The following USP7 variants were observed in gnomAD, a reference collection of about 807,000 sequenced individuals.
The protein encoded by USP7 is ubiquitin specific peptidase 7.
Under a neutral mutation model 162.9 loss-of-function variants are expected in USP7, and 9 were observed. That is an observed-to-expected ratio of 0.06 (90% CI 0.03 to 0.10). The LOEUF is 0.10. USP7 is among the 10% of genes least tolerant of loss of function. The pLI is 1.00. For missense variants in USP7, 715 were observed against 1,373.7 expected (o/e 0.52, Z 7.58); for synonymous variants, 562 against 475.9 (o/e 1.18, Z -2.35).
rs368671418 is a variant in USP7, at chr16:8,952,597, TAGGCCCACCTGGGGCATGC to T, written c.79+10591_79+10609del. 3.5e-4 allele frequency among the ~76,000 whole-genome samples: 54 copies of T among 152,310 alleles called. No individual in the cohort carries two copies. The East Asian group carries it at 9.8e-3, about 28-fold the overall frequency. ...CTGGCACTGATGACTGTGAGTACAC[TAGGCCCACCTGGGGCATGC>T]AGGCCCACCTCCTCACTAGGGATCC... On this transcript the variant is annotated intron_variant, in intron 1 of 30. Transcript: ENST00000344836.
intron 1 of USP7, among the ~76,000 whole-genome samples, chr16:8,939,818 G>C (rs1200352784): frequency 6.6e-6 from 1 of 152,214 alleles, no homozygotes; most frequent in Non-Finnish European, 1.5e-5. Flanking sequence ...GACTGTTTCT[G>C]GCCGAGCGCA....
At chr16:8,926,338 G>C (rs1897991204) in intron 2 of USP7, among the ~76,000 whole-genome samples, 2 of 152,040 alleles carry the variant, frequency 1.3e-5, no homozygotes, top group African/African-American at 2.4e-5. Context: ...AATTAGCTGG[G>C]TGTGGTGGTG....
At chr16:8,907,447 A>G (rs2061878515) in intron 12 of USP7, among the ~76,000 whole-genome samples, 1 of 152,218 alleles carries the variant, frequency 6.6e-6, no homozygotes, top group Admixed American at 6.5e-5. Flanking sequence ...TGAATGACCA[A>G]CCTATATTCC....
At chr16:8,936,642 TG>T in intron 1 of USP7, 1 of 1,554,740 alleles carries the variant, frequency 6.4e-7, no homozygotes, top group Non-Finnish European at 8.6e-7. Flanking sequence ...TGGCCTCTGC[TG>T]GGGGATGGGG....
intron 13 of USP7, among the ~76,000 whole-genome samples, chr16:8,906,189 G>T (rs1885522418): frequency 6.6e-6 from 1 of 152,212 alleles, no homozygotes; most frequent in Admixed American, 6.5e-5. Context: ...GACATATAAG[G>T]GATTCTGTAG....
At chr16:8,956,988 G>A (rs1899838365) in intron 1 of USP7, among the ~76,000 whole-genome samples, 1 of 152,124 alleles carries the variant, frequency 6.6e-6, no homozygotes, top group African/African-American at 2.4e-5. Flanking sequence ...CCCATGCTGG[G>A]TTCTTGCCAG....
chr16:8,962,104 G>GC (rs1900038277), intron 1 of USP7, among the ~76,000 whole-genome samples: 1 of 152,280 alleles, frequency 6.6e-6, no homozygotes, highest in East Asian at 1.9e-4. Context: ...CCCCACACTT[G>GC]GAGCCACCGC....
chr16:8,921,114 C>A, intron 4 of USP7, 43 bp downstream of exon 4: 1 of 1,572,832 alleles, frequency 6.4e-7, no homozygotes, highest in Admixed American at 1.8e-5. Flanking sequence ...GAACAACAAG[C>A]AGTAATGCAC....
intron 8 of USP7, among the ~76,000 whole-genome samples, chr16:8,915,783 G>T (rs1230025698): frequency 6.6e-6 from 1 of 152,120 alleles, no homozygotes; most frequent in Non-Finnish European, 1.5e-5. Context: ...GCCTTTAGAA[G>T]CATTTTTATA....
rs1383222901 is a variant in USP7 at position 8,892,483 on chromosome 16, A to G, written c.*1515T>C. The G allele has an allele frequency of 6.6e-6, 1 of 152,180 alleles. No homozygotes were observed. The highest frequency in any genetic ancestry group is 1.5e-5 in the Non-Finnish European group (1 of 68,040). 9.4% of individuals were successfully genotyped at this position (152,180 alleles called of 1,614,324 possible). On this transcript the variant is annotated 3_prime_UTR_variant, in exon 31 of 31. Transcript: ENST00000344836. ...ACGGTGCAAGGACCACGCCCACGAT[A>G]GCGCCTGCCGCCCCGAAGGGCCTCG...
At chr16:8,916,403 ATTTTCTGAATTAGGTC>A (rs3841558) in intron 8 of USP7, 83 bp downstream of exon 8, 433,969 of 1,337,914 alleles carry the variant, frequency 0.32, 66,085 homozygotes, top group Admixed American at 0.38. Flanking sequence ...AAAGATGGGC[ATTTTCTGAATTAGGTC>A]TGAGGTTTTA....
rs1435229711 is a variant in USP7 at position 8,905,305 on chromosome 16, C to T, written c.1455G>A (p.Val485=). The T allele has an allele frequency of 3.1e-6, 5 of 1,614,080 alleles. No homozygotes were observed. The highest frequency in any genetic ancestry group is 1.7e-5 in the Admixed American group (1 of 60,004). ...GKWCKFDDDV[V]SRCTKEEAIE... ...TTGCTTCCTCTTTAGTACACCTTGA[C>T]ACCACGTCGTCATCAAATTTACACC... Residue 485 remains valine (V), a synonymous_variant, in exon 14 of 31, where the codon GTG becomes GTA. Transcript: ENST00000344836.
chr16:8,933,887 C>G (rs1163381076), intron 1 of USP7, among the ~76,000 whole-genome samples: 3 of 151,984 alleles, frequency 2.0e-5, no homozygotes. Context: ...TCCCAAGTAG[C>G]TAGGATTACA....
At chr16:8,933,653 A>G (rs1596396250) in intron 1 of USP7, among the ~76,000 whole-genome samples, 1 of 152,046 alleles carries the variant, frequency 6.6e-6, no homozygotes, top group East Asian at 1.9e-4. Flanking sequence ...AGATTTTACA[A>G]TGTTGCCCAG....
At chr16:8,954,876 T>C (rs1899720081) in intron 1 of USP7, among the ~76,000 whole-genome samples, 1 of 152,018 alleles carries the variant, frequency 6.6e-6, no homozygotes, top group Non-Finnish European at 1.5e-5. Flanking sequence ...GGGAGAATGG[T>C]GTGAACCCGG....
chr16:8,896,621 G>C (rs1235324453), intron 26 of USP7, among the ~76,000 whole-genome samples: 1 of 152,140 alleles, frequency 6.6e-6, no homozygotes, highest in African/African-American at 2.4e-5. Context: ...ACCCCTTCCA[G>C]TTTCAGTTCA....
intron 12 of USP7, among the ~76,000 whole-genome samples, 160 bp from the exon 13 acceptor site, chr16:8,906,742 G>T (rs568056619): frequency 6.6e-6 from 1 of 152,276 alleles, no homozygotes; most frequent in Admixed American, 6.5e-5. Flanking sequence ...ATCCGTACTT[G>T]ATAGAAATAA....
At chr16:8,906,688 TAAGCA>T (rs2061865959) in intron 12 of USP7, 106 bp from the exon 13 acceptor site, 4 of 1,175,676 alleles carry the variant, frequency 3.4e-6, no homozygotes, top group Non-Finnish European at 4.7e-6. Flanking sequence ...TTTAATAGGA[TAAGCA>T]TGAATTGCCT....
At chr16:8,918,903 C>A (rs746434929) in intron 6 of USP7, 128 bp downstream of exon 6, 124 of 878,110 alleles carry the variant, frequency 1.4e-4, no homozygotes, top group Non-Finnish European at 1.9e-4. Flanking sequence ...GCAGCATGAA[C>A]TAGCAGCCAT....
Sources: gnomAD v4.1 joint callset for allele counts (sites outside exome capture counted in the v4.1 genomes callset) on GRCh38, gnomAD v4.1.1 for gene constraint, MANE v1.5 for transcripts, NCBI Gene and HGNC (gene_info 2026-07-23, HGNC 2026-07-21) for gene names.